Variants in CDC42 observed in about 807,000 individuals in gnomAD.
CDC42 encodes cell division control protein 42 homolog.
A neutral mutation model predicts 20.8 loss-of-function variants in CDC42; 1 was observed. The observed-to-expected ratio is 0.05, with a 90% confidence interval of 0.02 to 0.23. CDC42 has a LOEUF of 0.23. CDC42 is among the 10% of genes least tolerant of loss of function. The probability of loss-of-function intolerance (pLI) is 1.00; values close to 1 mark genes in which losing one functional copy is unlikely to be tolerated. For synonymous variants in CDC42, 72 were observed against 84.8 expected, an observed-to-expected ratio of 0.85 and a Z score of 0.83; for missense variants, 49 against 227.9, an observed-to-expected ratio of 0.21 and a Z score of 5.05.
Position 22,096,002 on chromosome 1 carries a change from C to T in CDC42, c.*4485C>T, listed in dbSNP as rs915467206. Among the ~76,000 whole-genome samples the T allele has an allele frequency of 1.4e-4, 22 of 151,940 alleles. No homozygotes were observed. Among genetic ancestry groups the T allele is most frequent in the Non-Finnish European group, 2.4e-4 (16 of 67,982 alleles). ...TCAGACGGGGTCTTGCACTGTTGCC[C>T]GGGCTGGAGTGCAGTGGTGGCATCT... is the stretch of plus-strand genomic sequence containing the variant. On this transcript the variant is annotated 3_prime_UTR_variant, in exon 6 of 6. Transcript: ENST00000656825.
chr1:22,067,361 T>C (rs1331643051), intron 1 of CDC42, among the ~76,000 whole-genome samples: 1 of 152,132 alleles, frequency 6.6e-6, no homozygotes, highest in East Asian at 1.9e-4. Flanking sequence ...TCTCACTCTG[T>C]TTCCCAGGCT....
intron 5 of CDC42, chr1:22,090,708 A>G (rs1173123627): frequency 1.4e-5 from 14 of 985,152 alleles, no homozygotes; most frequent in Non-Finnish European, 1.6e-5. Flanking sequence ...TAAAGCTGCC[A>G]CCTTTATATT....
chr1:22,086,407 T>G (rs770183176), intron 3 of CDC42, 32 bp from the exon 4 acceptor site: 1 of 1,459,186 alleles, frequency 6.9e-7, no homozygotes, highest in Non-Finnish European at 9.5e-7. Flanking sequence ...ATTCAGTTGC[T>G]GAATTCTCTC....
chr1:22,088,918 C>CTAATGTGACA (rs1306867355), intron 5 of CDC42, among the ~76,000 whole-genome samples: 10 of 152,064 alleles, frequency 6.6e-5, no homozygotes, highest in African/African-American at 2.4e-4. Flanking sequence ...AAAGAATTTA[C>CTAATGTGACA]TGCTGTTTCT....
chr1:22,066,811 T>C (rs1645429008), intron 1 of CDC42, among the ~76,000 whole-genome samples: 1 of 152,128 alleles, frequency 6.6e-6, no homozygotes, highest in Non-Finnish European at 1.5e-5. Flanking sequence ...CACCTGTAAT[T>C]CCAGAACTTT....
intron 1 of CDC42, among the ~76,000 whole-genome samples, chr1:22,065,169 T>G (rs1252699083): frequency 6.6e-6 from 1 of 152,238 alleles, no homozygotes; most frequent in African/African-American, 2.4e-5. Context: ...AATCTGAGCT[T>G]TAGGGCTGCT....
At chr1:22,077,958 C>T (rs779001074) in intron 1 of CDC42, among the ~76,000 whole-genome samples, 7 of 152,140 alleles carry the variant, frequency 4.6e-5, no homozygotes, top group Non-Finnish European at 7.4e-5. Context: ...TGCTCTGCTG[C>T]TTGTTGGTCA....
At chr1:22,081,848 C>CT (rs1344725170) in intron 3 of CDC42, 54 bp downstream of exon 3, 8 of 1,161,310 alleles carry the variant, frequency 6.9e-6, no homozygotes, top group Non-Finnish European at 1.0e-5. Flanking sequence ...TGCTAGTTGT[C>CT]TGTCTCTTGT....
At chr1:22,069,977 G>A (rs923713637) in intron 1 of CDC42, among the ~76,000 whole-genome samples, 5 of 152,022 alleles carry the variant, frequency 3.3e-5, no homozygotes, top group African/African-American at 9.7e-5. Flanking sequence ...TGGTAGAGAC[G>A]CAGTTTTGCC....
chr1:22,070,328 A>C (rs1220100126), intron 1 of CDC42, among the ~76,000 whole-genome samples: 3 of 151,968 alleles, frequency 2.0e-5, no homozygotes, highest in African/African-American at 4.8e-5. Flanking sequence ...TTGCCCTGGC[A>C]TGCTTATACT....
At chr1:22,066,390 A>G (rs1042415621) in intron 1 of CDC42, among the ~76,000 whole-genome samples, 2 of 152,094 alleles carry the variant, frequency 1.3e-5, no homozygotes, top group Admixed American at 1.3e-4. Context: ...AAAAAAATCT[A>G]TTAGAATAAA....
At chr1:22,079,068 A>C (rs1162405906) in intron 2 of CDC42, among the ~76,000 whole-genome samples, 1 of 150,754 alleles carries the variant, frequency 6.6e-6, no homozygotes, top group Non-Finnish European at 1.5e-5. Flanking sequence ...AGAAGAGAAG[A>C]CCTGTTATGT....
chr1:22,057,331 T>C (rs1393163079), intron 1 of CDC42, among the ~76,000 whole-genome samples: 1 of 152,234 alleles, frequency 6.6e-6, no homozygotes, highest in African/African-American at 2.4e-5. Context: ...CTCTCAAACA[T>C]AAACATTTTA....
intron 1 of CDC42, among the ~76,000 whole-genome samples, chr1:22,061,971 C>T (rs1645370912): frequency 6.6e-6 from 1 of 151,954 alleles, no homozygotes; most frequent in South Asian, 2.1e-4. Context: ...CGGATTCTTA[C>T]TCTGTCACCC....
At chr1:22,058,906 C>G (rs372941286) in intron 1 of CDC42, among the ~76,000 whole-genome samples, 3 of 152,068 alleles carry the variant, frequency 2.0e-5, no homozygotes, top group Admixed American at 6.6e-5. Context: ...CCTTGAACTC[C>G]TGGGCTTAAA....
At chr1:22,067,636 C>T (rs1020270581) in intron 1 of CDC42, among the ~76,000 whole-genome samples, 7 of 152,216 alleles carry the variant, frequency 4.6e-5, no homozygotes, top group African/African-American at 1.4e-4. Flanking sequence ...TGAGCCACTG[C>T]GCCCATACCA....
At chr1:22,087,598 G>A (rs779722558) in intron 5 of CDC42, among the ~76,000 whole-genome samples, 1 of 152,074 alleles carries the variant, frequency 6.6e-6, no homozygotes, top group Non-Finnish European at 1.5e-5. Flanking sequence ...TACTGTTCTG[G>A]GGGCAAAGGA....
intron 1 of CDC42, among the ~76,000 whole-genome samples, chr1:22,065,209 C>T (rs1645409454): frequency 6.6e-6 from 1 of 152,342 alleles, no homozygotes; most frequent in African/African-American, 2.4e-5. Context: ...TTTACTGCAA[C>T]TCTGTCGTCT....
At chr1:22,090,270 C>T in intron 5 of CDC42, 1 of 1,195,796 alleles carries the variant, frequency 8.4e-7, no homozygotes, top group Non-Finnish European at 1.0e-6. Flanking sequence ...GCCTGATGCT[C>T]AGAGCTTTTT....
Sources: gnomAD v4.1 joint callset for allele counts (sites outside exome capture counted in the v4.1 genomes callset) on GRCh38, gnomAD v4.1.1 for gene constraint, MANE v1.5 for transcripts, NCBI Gene and HGNC (gene_info 2026-07-23, HGNC 2026-07-21) for gene names.